Variants in NDUFS4 observed in about 807,000 individuals in gnomAD.
NDUFS4 encodes NADH dehydrogenase [ubiquinone] iron-sulfur protein 4, mitochondrial.
NDUFS4 carries 28 observed loss-of-function variants against 24.3 expected under a neutral mutation model. The ratio of observed to expected loss-of-function variants is 1.15; its 90% CI spans 0.85 to 1.58. NDUFS4 has a LOEUF of 1.58. Among genes scored for constraint, NDUFS4 ranks in the 40% most tolerant of loss-of-function variants. NDUFS4 has a pLI of 0.00. For missense variants in NDUFS4, 223 were observed against 207.9 expected, an observed-to-expected ratio of 1.07 and a Z score of -0.45; for synonymous variants, 93 against 69.7, an observed-to-expected ratio of 1.34 and a Z score of -1.67.
At chr5:53,577,298 T>A (rs1478265609) in intron 1 of NDUFS4, among the ~76,000 whole-genome samples, 1 of 152,178 alleles carries the variant, frequency 6.6e-6, no homozygotes, top group Non-Finnish European at 1.5e-5. Context: ...TGCTTTAAGC[T>A]ATACTTGTGC....
intron 4 of NDUFS4, among the ~76,000 whole-genome samples, chr5:53,672,747 T>G (rs1452036037): frequency 2.0e-5 from 3 of 152,156 alleles, no homozygotes; most frequent in Admixed American, 1.3e-4. Flanking sequence ...ATATATGCTT[T>G]CTTGTATGCT....
intron 1 of NDUFS4, among the ~76,000 whole-genome samples, chr5:53,598,242 C>G (rs1162359277): frequency 6.6e-6 from 1 of 152,158 alleles, no homozygotes; most frequent in Non-Finnish European, 1.5e-5. Context: ...AGCAGTTGTG[C>G]TCCTGGGTAT....
At chr5:53,599,777 T>C (rs979038712) in intron 1 of NDUFS4, among the ~76,000 whole-genome samples, 5 of 152,022 alleles carry the variant, frequency 3.3e-5, no homozygotes, top group Non-Finnish European at 7.4e-5. Context: ...TGGTTTTATG[T>C]AATAGCTTCT....
chr5:53,655,530 TGAA>T (rs1384616284), intron 3 of NDUFS4, among the ~76,000 whole-genome samples: 3 of 152,172 alleles, frequency 2.0e-5, no homozygotes, highest in African/African-American at 7.2e-5. Context: ...AGTACTAAAA[TGAA>T]GAATCTCGTA....
intron 2 of NDUFS4, 69 bp downstream of exon 2, chr5:53,603,599 G>A (rs921685455): frequency 8.2e-7 from 1 of 1,225,204 alleles, no homozygotes; most frequent in Admixed American, 1.7e-5. Flanking sequence ...TAGATATTCA[G>A]TATGGTGTTC....
chr5:53,608,052 T>C (rs751423931), intron 2 of NDUFS4, among the ~76,000 whole-genome samples: 41 of 152,188 alleles, frequency 2.7e-4, no homozygotes, highest in Non-Finnish European at 4.9e-4. Context: ...ACTTTGAAGA[T>C]ATTGCTGGTT....
At chr5:53,564,160 T>C (rs1453961479) in intron 1 of NDUFS4, among the ~76,000 whole-genome samples, 1 of 152,180 alleles carries the variant, frequency 6.6e-6, no homozygotes, top group East Asian at 1.9e-4. Flanking sequence ...TGTTTGGTTC[T>C]TCAGCATTAT....
chr5:53,645,427 A>G (rs1243954777), intron 2 of NDUFS4, among the ~76,000 whole-genome samples: 7 of 152,182 alleles, frequency 4.6e-5, no homozygotes, highest in African/African-American at 1.7e-4. Context: ...ACTCTGAATT[A>G]CTTTACTAAT....
At chr5:53,592,247 C>A (rs1002155548) in intron 1 of NDUFS4, among the ~76,000 whole-genome samples, 1 of 152,034 alleles carries the variant, frequency 6.6e-6, no homozygotes, top group Non-Finnish European at 1.5e-5. Context: ...CCGCTGCGCC[C>A]GGCATTGTTG....
intron 1 of NDUFS4, among the ~76,000 whole-genome samples, chr5:53,561,079 G>C (rs774989510): frequency 1.3e-5 from 2 of 152,120 alleles, no homozygotes; most frequent in African/African-American, 4.8e-5. Context: ...AGAAGGGGAG[G>C]AGTCTCACTG....
intron 1 of NDUFS4, among the ~76,000 whole-genome samples, chr5:53,600,234 G>A (rs145454389): frequency 2.0e-5 from 3 of 151,946 alleles, no homozygotes; most frequent in East Asian, 3.9e-4. Flanking sequence ...CCTGAACTTA[G>A]GTGATCCGCC....
chr5:53,682,921 A>G (rs1430485437), intron 4 of NDUFS4, among the ~76,000 whole-genome samples, 197 bp from the exon 5 acceptor site: 2 of 142,120 alleles, frequency 1.4e-5, no homozygotes, highest in Non-Finnish European at 3.0e-5. Flanking sequence ...TCTGCAGGCA[A>G]TCTTTTGGAC....
intron 1 of NDUFS4, among the ~76,000 whole-genome samples, chr5:53,590,283 T>C (rs1051517688): frequency 2.6e-5 from 4 of 152,216 alleles, no homozygotes; most frequent in African/African-American, 9.6e-5. Flanking sequence ...TACATTTTCA[T>C]AAGCATATTT....
At chr5:53,627,069 A>G (rs554292888) in intron 2 of NDUFS4, among the ~76,000 whole-genome samples, 1 of 152,294 alleles carries the variant, frequency 6.6e-6, no homozygotes, top group Admixed American at 6.5e-5. Context: ...ATAAGGTGTA[A>G]GGAAGGGATC....
intron 2 of NDUFS4, among the ~76,000 whole-genome samples, chr5:53,610,605 T>G (rs1179819540): frequency 6.6e-6 from 1 of 152,126 alleles, no homozygotes; most frequent in Non-Finnish European, 1.5e-5. Flanking sequence ...GTTCATAAAA[T>G]GAGGTATGCC....
At chr5:53,630,358 T>C (rs1262253460) in intron 2 of NDUFS4, among the ~76,000 whole-genome samples, 1 of 152,100 alleles carries the variant, frequency 6.6e-6, no homozygotes, top group African/African-American at 2.4e-5. Context: ...TTATGTGTCT[T>C]GGGGTCGCTT....
chr5:53,595,380 G>T (rs1032977529), intron 1 of NDUFS4, among the ~76,000 whole-genome samples: 3 of 151,998 alleles, frequency 2.0e-5, no homozygotes, highest in South Asian at 4.2e-4. Flanking sequence ...CATGTCAAAG[G>T]ATAGCAACAC....
intron 2 of NDUFS4, among the ~76,000 whole-genome samples, chr5:53,612,798 T>C (rs1359948676): frequency 9.9e-5 from 15 of 152,164 alleles, no homozygotes. Flanking sequence ...CAGCAAGTTA[T>C]TTAATACAAT....
chr5:53,586,984 T>C (rs1287058872), intron 1 of NDUFS4, among the ~76,000 whole-genome samples: 3 of 151,996 alleles, frequency 2.0e-5, no homozygotes, highest in Non-Finnish European at 4.4e-5. Flanking sequence ...CCGCCATGCC[T>C]GGCTAATTTT....
Sources: allele counts gnomAD v4.1 joint callset (sites outside exome capture counted in the v4.1 genomes callset), GRCh38; gene constraint gnomAD v4.1.1; transcripts MANE v1.5; gene names NCBI Gene and HGNC (gene_info 2026-07-23, HGNC 2026-07-21).